MAGI2: variants seen among roughly 807,000 people sequenced by gnomAD.
MAGI2 encodes membrane associated guanylate kinase, WW and PDZ domain containing 2.
A neutral mutation model predicts 133.3 loss-of-function variants in MAGI2; 35 were observed. The ratio of observed to expected loss-of-function variants is 0.26; its 90% CI spans 0.20 to 0.35. The LOEUF is 0.35. MAGI2 is among the 10% of genes least tolerant of loss of function. The pLI is 1.00. For missense variants in MAGI2, 1,636 were observed against 1,863.4 expected, an observed-to-expected ratio of 0.88 and a Z score of 2.25; for synonymous variants, 729 against 710.6, an observed-to-expected ratio of 1.03 and a Z score of -0.41.
intron 2 of MAGI2, among the ~76,000 whole-genome samples, chr7:78,730,158 A>C (rs1393261663): frequency 6.6e-6 from 1 of 152,216 alleles, no homozygotes; most frequent in African/African-American, 2.4e-5. Context: ...GATTAGAGAC[A>C]TTTATATTTT....
At chr7:78,075,504 G>T (rs1196996749) in intron 21 of MAGI2, among the ~76,000 whole-genome samples, 1 of 151,898 alleles carries the variant, frequency 6.6e-6, no homozygotes, top group Non-Finnish European at 1.5e-5. Context: ...AGCCTCCTGA[G>T]TAGCTGGGAC....
chr7:79,050,837 G>A (rs546810092), intron 1 of MAGI2, among the ~76,000 whole-genome samples: 15 of 152,240 alleles, frequency 9.9e-5, no homozygotes, highest in East Asian at 9.6e-4. Flanking sequence ...TTCAGTTTTC[G>A]CATTGAGAAA....
chr7:79,149,051 T>A (rs1295934755), intron 1 of MAGI2, among the ~76,000 whole-genome samples: 1 of 143,548 alleles, frequency 7.0e-6, no homozygotes, highest in Non-Finnish European at 1.5e-5. Flanking sequence ...TATATATATA[T>A]AATATAATAT....
At chr7:78,566,228 G>A (rs935069411) in intron 3 of MAGI2, among the ~76,000 whole-genome samples, 14 of 152,098 alleles carry the variant, frequency 9.2e-5, no homozygotes, top group Admixed American at 2.0e-4. Flanking sequence ...AATGGGAAGA[G>A]GGAAAGACCA....
Position 78,624,131 on chromosome 7 carries a change from G to C in MAGI2, c.538+2989C>G, listed in dbSNP as rs567267668. Among the ~76,000 whole-genome samples, 7 of 152,042 alleles carry C rather than the reference G, an allele frequency of 4.6e-5. No homozygotes were observed. In the South Asian group the frequency reaches 1.5e-3, roughly 32 times the overall value. ...GTTGGCCACTTGTATGTCTTTTGAA[G>C]TGTCTGTTCATGTCATTTGCCCACT... On this transcript the variant is annotated intron_variant, in intron 3 of 21. Coordinates refer to ENST00000354212, the MANE Select transcript of MAGI2 (RefSeq NM_012301.4).
intron 10 of MAGI2, among the ~76,000 whole-genome samples, chr7:78,203,272 G>T (rs188784822): frequency 3.5e-4 from 53 of 152,290 alleles, no homozygotes; most frequent in African/African-American, 1.0e-3. Context: ...CTTTGATACA[G>T]AGGTATTGAA....
Position 78,139,666 on chromosome 7 carries a change from T to C in MAGI2, c.2846-4460A>G, listed in dbSNP as rs79881348. Reference sequence around the variant, plus strand: ...ATAAATCAAGTCTTTGGATCAGTCGTCTTGACACAGTGTGCTTAGGATACA... The same window carrying C: ...ATAAATCAAGTCTTTGGATCAGTCGCCTTGACACAGTGTGCTTAGGATACA... On this transcript the variant is annotated intron_variant, in intron 16 of 21. Transcript: ENST00000354212. Among the ~76,000 whole-genome samples, 578 of 152,334 alleles carry C rather than the reference T, an allele frequency of 3.8e-3. 4 individuals carry two copies. Among genetic ancestry groups the C allele is most frequent in the African/African-American group, 0.013 (558 of 41,574 alleles).
intron 4 of MAGI2, among the ~76,000 whole-genome samples, chr7:78,511,940 A>G (rs977374445): frequency 6.6e-6 from 1 of 151,368 alleles, no homozygotes; most frequent in Non-Finnish European, 1.5e-5. Flanking sequence ...CTAAAAAAAA[A>G]ACACCAAAAA....
At chr7:78,889,256 G>A (rs536484566) in intron 2 of MAGI2, among the ~76,000 whole-genome samples, 58 of 152,326 alleles carry the variant, frequency 3.8e-4, no homozygotes, top group African/African-American at 1.3e-3. Context: ...CGTCTGATTG[G>A]TGTACCTGAA....
At chr7:78,476,526 T>A (rs1399747621) in intron 6 of MAGI2, among the ~76,000 whole-genome samples, 1 of 151,970 alleles carries the variant, frequency 6.6e-6, no homozygotes, top group Admixed American at 6.6e-5. Context: ...ACAAACACAA[T>A]CAACACAATT....
At chr7:79,059,497 T>C (rs1461364191) in intron 1 of MAGI2, among the ~76,000 whole-genome samples, 1 of 152,074 alleles carries the variant, frequency 6.6e-6, no homozygotes, top group Non-Finnish European at 1.5e-5. Flanking sequence ...TAACATTCAG[T>C]TTAATTGCTA....
intron 1 of MAGI2, among the ~76,000 whole-genome samples, chr7:79,173,532 T>C (rs1366954565): frequency 6.6e-6 from 1 of 152,008 alleles, no homozygotes; most frequent in East Asian, 1.9e-4. Flanking sequence ...GGGTCTCACT[T>C]TGTTTCCCAG....
intron 1 of MAGI2, among the ~76,000 whole-genome samples, chr7:79,015,563 G>A (rs1164028574): frequency 6.6e-6 from 1 of 152,154 alleles, no homozygotes; most frequent in Non-Finnish European, 1.5e-5. Context: ...AATATAGCCT[G>A]CATAGTCTGT....
intron 2 of MAGI2, among the ~76,000 whole-genome samples, chr7:78,832,324 C>T (rs184882039): frequency 2.4e-4 from 37 of 151,888 alleles, no homozygotes; most frequent in Non-Finnish European, 5.0e-4. Flanking sequence ...TCATTGAATA[C>T]ATGACATGTC....
chr7:78,552,316 T>C (rs891036916), intron 3 of MAGI2, among the ~76,000 whole-genome samples: 8 of 151,606 alleles, frequency 5.3e-5, no homozygotes, highest in Admixed American at 2.0e-4. Context: ...TCCAAGTAGC[T>C]GGGATTACAG....
intron 1 of MAGI2, among the ~76,000 whole-genome samples, chr7:79,185,290 C>T (rs1050764367): frequency 1.3e-4 from 20 of 151,688 alleles, no homozygotes; most frequent in Admixed American, 6.6e-5. Flanking sequence ...TAGAATAAAC[C>T]CTGATAAAGG....
chr7:78,520,185 T>A (rs775771294), intron 4 of MAGI2, among the ~76,000 whole-genome samples: 1 of 152,182 alleles, frequency 6.6e-6, no homozygotes, highest in Non-Finnish European at 1.5e-5. Context: ...CTCTGAGTAA[T>A]CAAGATGAAA....
intron 2 of MAGI2, among the ~76,000 whole-genome samples, chr7:79,004,710 T>C (rs1467874029): frequency 6.6e-6 from 1 of 152,186 alleles, no homozygotes; most frequent in Non-Finnish European, 1.5e-5. Context: ...AATAAATATG[T>C]ACCCCATAAA....
chr7:78,984,247 T>G (rs1488225860), intron 2 of MAGI2, among the ~76,000 whole-genome samples: 1 of 151,994 alleles, frequency 6.6e-6, no homozygotes, highest in Middle Eastern at 3.2e-3. Context: ...CTAATCTAAC[T>G]GGTCTCCCTG....
Sources: allele counts gnomAD v4.1 joint callset (sites outside exome capture counted in the v4.1 genomes callset), GRCh38; gene constraint gnomAD v4.1.1; transcripts MANE v1.5; gene names NCBI Gene and HGNC (gene_info 2026-07-23, HGNC 2026-07-21).